Variants in DIAPH2 observed in about 807,000 individuals in gnomAD.
The protein encoded by DIAPH2 is protein diaphanous homolog 2.
In DIAPH2, 35 loss-of-function variants were observed where a neutral mutation model predicts 92.7. The ratio of observed to expected loss-of-function variants is 0.38; its 90% CI spans 0.29 to 0.50. The LOEUF is 0.50. Ranked by LOEUF, DIAPH2 falls within the 20% of genes least tolerant of loss-of-function variation. The pLI is 0.94. For missense variants in DIAPH2, 701 were observed against 819.5 expected (o/e 0.86, Z 1.77); for synonymous variants, 301 against 280.4 (o/e 1.07, Z -0.73).
intron 17 of DIAPH2, among the ~76,000 whole-genome samples, chrX:97,047,979 G>A (rs979130972): frequency 4.5e-5 from 5 of 109,953 alleles, no homozygotes; most frequent in African/African-American, 6.6e-5. Context: ...TATTAAATAG[G>A]TATTCAAATG....
chrX:97,124,605 A>G (rs2067078818), intron 21 of DIAPH2, among the ~76,000 whole-genome samples: 1 of 112,315 alleles, frequency 8.9e-6, no homozygotes, highest in Non-Finnish European at 1.9e-5. Flanking sequence ...TTCCTTGTCA[A>G]TACTGACTGC....
intron 26 of DIAPH2, among the ~76,000 whole-genome samples, chrX:97,518,242 G>A (rs1390595594): frequency 8.9e-6 from 1 of 111,759 alleles, no homozygotes; most frequent in African/African-American, 3.3e-5. Context: ...TTGGTAAGCA[G>A]AGCTGGCAGT....
chrX:97,082,971 A>G (rs2066757766), intron 19 of DIAPH2, among the ~76,000 whole-genome samples: 1 of 112,284 alleles, frequency 8.9e-6, no homozygotes, highest in Non-Finnish European at 1.9e-5. Context: ...CTAGTCATAT[A>G]TTTAACAAAT....
intron 1 of DIAPH2, among the ~76,000 whole-genome samples, chrX:96,694,947 C>CTTTTT (rs781695336): frequency 1.1e-5 from 1 of 90,215 alleles, no homozygotes; most frequent in Admixed American, 1.2e-4. Flanking sequence ...AGCTAATGGT[C>CTTTTT]TTTTTTTTTT....
chrX:97,208,001 A>C (rs1238093687), intron 22 of DIAPH2, among the ~76,000 whole-genome samples: 1 of 110,494 alleles, frequency 9.1e-6, no homozygotes, highest in East Asian at 2.9e-4. Flanking sequence ...AAAATAGAAA[A>C]ATTTCCCAGG....
chrX:97,353,758 A>G (rs758649294), intron 24 of DIAPH2, among the ~76,000 whole-genome samples: 1 of 111,665 alleles, frequency 9.0e-6, no homozygotes, highest in African/African-American at 3.2e-5. Flanking sequence ...AAGATGCTAA[A>G]TGATATCAAG....
chrX:96,948,418 C>T (rs1433763294), intron 14 of DIAPH2, among the ~76,000 whole-genome samples: 1 of 110,286 alleles, frequency 9.1e-6, no homozygotes, highest in Non-Finnish European at 1.9e-5. Flanking sequence ...ACTAAAAATA[C>T]AAAAATTAGC....
chrX:96,960,912 A>G (rs982146621), intron 16 of DIAPH2, among the ~76,000 whole-genome samples: 2 of 111,832 alleles, frequency 1.8e-5, no homozygotes, highest in Non-Finnish European at 3.8e-5. Flanking sequence ...ATTGAATGGC[A>G]TATGTTAAAC....
chrX:96,863,790 A>G (rs1486065565), intron 4 of DIAPH2, among the ~76,000 whole-genome samples: 1 of 111,972 alleles, frequency 8.9e-6, no homozygotes, highest in East Asian at 2.8e-4. Flanking sequence ...GGCCAGACAC[A>G]GTGGCTCATG....
chrX:97,335,041 A>G (rs1275132775), intron 23 of DIAPH2, among the ~76,000 whole-genome samples: 1 of 102,416 alleles, frequency 9.8e-6, no homozygotes, highest in Non-Finnish European at 2.0e-5. Flanking sequence ...TGGGCTAAAC[A>G]TGCTGGTTTA....
chrX:97,157,355 G>T (rs746072805), intron 22 of DIAPH2, among the ~76,000 whole-genome samples: 2 of 105,983 alleles, frequency 1.9e-5, no homozygotes, highest in African/African-American at 6.7e-5. Flanking sequence ...TAATAATAAT[G>T]ATTATAATAA....
chrX:97,278,399 A>C lies in DIAPH2; in HGVS notation c.2844+30560A>C, dbSNP rs775149082. ...ATGTTATACATATATGGGTTTTGAC[A>C]AATGTATGTCATGTATCCACCATTA... On this transcript the variant is annotated intron_variant, in intron 23 of 26. Coordinates refer to ENST00000324765, the MANE Select transcript of DIAPH2 (RefSeq NM_006729.5). Among the ~76,000 whole-genome samples the C allele has an allele frequency of 1.2e-4, 13 of 111,485 alleles. No homozygotes were observed. In the East Asian group the frequency reaches 3.4e-3, roughly 29 times the overall value.
chrX:97,428,426 T>C (rs2070092669), intron 25 of DIAPH2, among the ~76,000 whole-genome samples: 1 of 109,107 alleles, frequency 9.2e-6, no homozygotes, highest in African/African-American at 3.3e-5. Flanking sequence ...CTACTCAGGA[T>C]GCTGAGACAG....
At chrX:97,281,016 G>C (rs2068492180) in intron 23 of DIAPH2, among the ~76,000 whole-genome samples, 1 of 112,205 alleles carries the variant, frequency 8.9e-6, no homozygotes, top group Non-Finnish European at 1.9e-5. Flanking sequence ...AATGTGTTTT[G>C]ACTTTGTATT....
intron 24 of DIAPH2, among the ~76,000 whole-genome samples, chrX:97,375,988 G>GAATTTTAC (rs746387643): frequency 5.4e-5 from 6 of 110,278 alleles, no homozygotes; most frequent in Non-Finnish European, 1.1e-4. Context: ...TAAGACAAAT[G>GAATTTTAC]TTCCCTAAAG....
At chrX:97,110,969 C>T (rs1222472057) in intron 20 of DIAPH2, among the ~76,000 whole-genome samples, 2 of 104,945 alleles carry the variant, frequency 1.9e-5, no homozygotes, top group Non-Finnish European at 3.8e-5. Flanking sequence ...GGCGACAGAA[C>T]GAGACTCCGT....
At chrX:97,252,855 C>T (rs2068200233) in intron 23 of DIAPH2, among the ~76,000 whole-genome samples, 1 of 111,464 alleles carries the variant, frequency 9.0e-6, no homozygotes, top group South Asian at 3.8e-4. Flanking sequence ...TCACTGTCTG[C>T]TCCTCTCAAA....
chrX:96,875,333 T>G (rs1433555259), intron 4 of DIAPH2, among the ~76,000 whole-genome samples: 2 of 112,084 alleles, frequency 1.8e-5, no homozygotes, highest in Non-Finnish European at 3.8e-5. Flanking sequence ...GTCTGTAATT[T>G]GGGAGTGAAA....
chrX:97,585,801 C>G (rs1289053675), intron 26 of DIAPH2, among the ~76,000 whole-genome samples: 2 of 111,728 alleles, frequency 1.8e-5, no homozygotes, highest in African/African-American at 6.5e-5. Flanking sequence ...TGAAATTGCT[C>G]TCATTAAGGT....
Sources: gnomAD v4.1 joint callset for allele counts (sites outside exome capture counted in the v4.1 genomes callset) on GRCh38, gnomAD v4.1.1 for gene constraint, MANE v1.5 for transcripts, NCBI Gene and HGNC (gene_info 2026-07-23, HGNC 2026-07-21) for gene names.